The following EFHC2 variants were observed in gnomAD, a reference collection of about 807,000 sequenced individuals.
EFHC2 encodes EF-hand domain containing 2, also known as EF-hand domain-containing family member C2.
In EFHC2, 18 loss-of-function variants were observed where a neutral mutation model predicts 52.7. The observed-to-expected ratio is 0.34, with a 90% CI of 0.24 to 0.51. The LOEUF (loss-of-function observed/expected upper bound fraction) is 0.51, where lower values mean the gene tolerates loss of function less well. Ranked by LOEUF, EFHC2 falls within the 20% of genes least tolerant of loss-of-function variation. EFHC2 has a pLI of 0.97. For missense variants in EFHC2, 513 were observed against 562.5 expected (o/e 0.91, Z 0.89); for synonymous variants, 203 against 204.1 (o/e 0.99, Z 0.04).
At chrX:44,312,185 A>C (rs1401574793) in intron 2 of EFHC2, among the ~76,000 whole-genome samples, 1 of 112,327 alleles carries the variant, frequency 8.9e-6, no homozygotes, top group Non-Finnish European at 1.9e-5. Flanking sequence ...GTATAACACA[A>C]TGACTATAGC....
intron 1 of EFHC2, among the ~76,000 whole-genome samples, chrX:44,338,474 T>C (rs1233000547): frequency 9.1e-6 from 1 of 109,442 alleles, no homozygotes; most frequent in Non-Finnish European, 1.9e-5. Context: ...ATCCTGCCAC[T>C]GCACCCCAGC....
intron 14 of EFHC2, among the ~76,000 whole-genome samples, chrX:44,156,676 C>T (rs1387425047): frequency 8.9e-6 from 1 of 112,347 alleles, no homozygotes; most frequent in African/African-American, 3.2e-5. Flanking sequence ...GAAGCCACAT[C>T]CAATTTTTCT....
At chrX:44,300,082 A>AT (rs1292410569) in intron 2 of EFHC2, among the ~76,000 whole-genome samples, 38 of 108,353 alleles carry the variant, frequency 3.5e-4, no homozygotes, top group Non-Finnish European at 4.0e-4. Flanking sequence ...AAGGTAAATA[A>AT]TTTTTTTTTT....
intron 3 of EFHC2, among the ~76,000 whole-genome samples, chrX:44,266,154 T>G (rs781458103): frequency 9.0e-6 from 1 of 111,332 alleles, no homozygotes; most frequent in Admixed American, 9.6e-5. Context: ...CTCTTCCATC[T>G]TTATCTAGAG....
intron 4 of EFHC2, among the ~76,000 whole-genome samples, chrX:44,251,058 G>A (rs1188687398): frequency 9.6e-6 from 1 of 104,009 alleles, no homozygotes; most frequent in African/African-American, 3.5e-5. Context: ...CTAACACGGT[G>A]AAACCCCGTC....
At chrX:44,168,953 C>A (rs1179950399) in intron 13 of EFHC2, among the ~76,000 whole-genome samples, 1 of 108,908 alleles carries the variant, frequency 9.2e-6, no homozygotes, top group Non-Finnish European at 1.9e-5. Context: ...AAGCATCCAA[C>A]ATTAAAGACA....
chrX:44,166,129 T>C (rs2036694888), intron 13 of EFHC2, among the ~76,000 whole-genome samples: 6 of 111,737 alleles, frequency 5.4e-5, no homozygotes, highest in Non-Finnish European at 1.9e-5. Context: ...AAGATCACTC[T>C]GACTGATACA....
At chrX:44,294,112 C>T (rs939499564) in intron 2 of EFHC2, among the ~76,000 whole-genome samples, 3 of 111,189 alleles carry the variant, frequency 2.7e-5, no homozygotes, top group African/African-American at 9.8e-5. Flanking sequence ...AGGGCTTTTT[C>T]TTCCCTTGGG....
At chrX:44,298,669 T>A (rs1222964157) in intron 2 of EFHC2, among the ~76,000 whole-genome samples, 1 of 109,786 alleles carries the variant, frequency 9.1e-6, no homozygotes, top group Non-Finnish European at 1.9e-5. Context: ...GAGACCAGCC[T>A]GGCCAACATG....
chrX:44,291,088 T>G (rs1395434532), intron 2 of EFHC2, among the ~76,000 whole-genome samples: 2 of 112,139 alleles, frequency 1.8e-5, no homozygotes, highest in Admixed American at 9.5e-5. Flanking sequence ...CTCCCTGGCC[T>G]CCAGCATGAA....
At chrX:44,322,609 T>C (rs1303901275) in intron 1 of EFHC2, among the ~76,000 whole-genome samples, 1 of 112,015 alleles carries the variant, frequency 8.9e-6, no homozygotes, top group Non-Finnish European at 1.9e-5. Context: ...ACTTTACTTC[T>C]CCAGAGGCTT....
intron 1 of EFHC2, among the ~76,000 whole-genome samples, chrX:44,326,254 G>A (rs2038051113): frequency 9.0e-6 from 1 of 110,636 alleles, no homozygotes; most frequent in African/African-American, 3.3e-5. Flanking sequence ...GAGAGGAGGT[G>A]GGGAGAGGTT....
At chrX:44,151,060 C>G (rs181311651) in intron 14 of EFHC2, among the ~76,000 whole-genome samples, 9 of 110,278 alleles carry the variant, frequency 8.2e-5, no homozygotes, top group African/African-American at 3.0e-4. Context: ...AACCAAGGAA[C>G]GCCAAAGATT....
chrX:44,215,569 G>C (rs1248441912), intron 11 of EFHC2, among the ~76,000 whole-genome samples: 1 of 110,213 alleles, frequency 9.1e-6, no homozygotes, highest in Non-Finnish European at 1.9e-5. Context: ...AAGGCAGCGT[G>C]ATAGAATTGT....
intron 11 of EFHC2, among the ~76,000 whole-genome samples, chrX:44,180,920 C>T (rs1186592895): frequency 1.2e-5 from 1 of 85,904 alleles, no homozygotes; most frequent in Non-Finnish European, 2.2e-5. Context: ...TAGTGAGAAC[C>T]CATCTCTACC....
chrX:44,340,314 GAGATAAGTA>G (rs779869141), intron 1 of EFHC2, among the ~76,000 whole-genome samples: 9 of 111,453 alleles, frequency 8.1e-5, no homozygotes, highest in Non-Finnish European at 1.5e-4. Context: ...CATTAGACAA[GAGATAAGTA>G]AGTACTACAC....
intron 4 of EFHC2, among the ~76,000 whole-genome samples, chrX:44,258,956 G>A (rs1316030767): frequency 9.0e-6 from 1 of 111,396 alleles, no homozygotes; most frequent in African/African-American, 3.3e-5. Context: ...TGGTGGGAGT[G>A]TAAATTAGTT....
At chrX:44,247,257 C>T (rs975798060) in intron 7 of EFHC2, among the ~76,000 whole-genome samples, 14 of 112,190 alleles carry the variant, frequency 1.2e-4, no homozygotes, top group Non-Finnish European at 1.9e-4. Flanking sequence ...CCCTTGTGTA[C>T]TTGATGTGCC....
chrX:44,183,717 T>C (rs5953277), intron 11 of EFHC2, among the ~76,000 whole-genome samples: 30,675 of 111,016 alleles, frequency 0.28, 3,191 homozygotes, highest in Middle Eastern at 0.36. Context: ...GGCACAGTTA[T>C]AGACTTGTGG....
Sources: allele counts gnomAD v4.1 joint callset (sites outside exome capture counted in the v4.1 genomes callset), GRCh38; gene constraint gnomAD v4.1.1; transcripts MANE v1.5; gene names NCBI Gene and HGNC (gene_info 2026-07-23, HGNC 2026-07-21).